EXOC4: variants seen among roughly 807,000 people sequenced by gnomAD.
The protein encoded by EXOC4 is exocyst complex component 4.
A neutral mutation model predicts 107.2 loss-of-function variants in EXOC4; 71 were observed. The observed-to-expected ratio is 0.66, with a 90% confidence interval of 0.55 to 0.81. The LOEUF is 0.81. Among genes scored for constraint, EXOC4 ranks in the 30% least tolerant of loss-of-function variants. The probability of loss-of-function intolerance (pLI) is 0.00; values close to 1 mark genes in which losing one functional copy is unlikely to be tolerated. For missense variants in EXOC4, 1,108 were observed against 1,189.6 expected, an observed-to-expected ratio of 0.93 and a Z score of 1.01; for synonymous variants, 456 against 441.2, an observed-to-expected ratio of 1.03 and a Z score of -0.42.
chr7:133,512,608 C>T (rs929378250), intron 9 of EXOC4, among the ~76,000 whole-genome samples: 3 of 151,964 alleles, frequency 2.0e-5, no homozygotes, highest in Admixed American at 1.3e-4. Flanking sequence ...AAGATCAATG[C>T]GCACAAGAAA....
chr7:133,391,285 C>T (rs769775414), intron 7 of EXOC4, among the ~76,000 whole-genome samples: 4 of 152,180 alleles, frequency 2.6e-5, no homozygotes, highest in South Asian at 2.1e-4. Flanking sequence ...CAGCAAATGA[C>T]GAAAGCTCAG....
rs1796139723 is a variant in EXOC4 at position 134,064,410 on chromosome 7, A to T, written c.2807A>T (p.Gln936Leu). ...GCTCTGACCCTGCTGCACCGCAGCC[A>T]GACTGGGGTGGGGGAACTGACCACC... ...IHALTLLHRS[Q>L]TGVGELTTQN... The change falls in exon 18 of 18, where the codon CAG becomes CTG. Residue 936 changes from glutamine (Q) to leucine (L), a missense_variant. Physicochemically the swap from Gln to Leu is moderately radical, Grantham distance 113. Transcript: ENST00000253861. The T allele has an allele frequency of 6.2e-7, 1 of 1,608,004 alleles. No homozygotes were observed. Among genetic ancestry groups the T allele is most frequent in the African/African-American group, 1.3e-5 (1 of 74,742 alleles).
intron 17 of EXOC4, among the ~76,000 whole-genome samples, chr7:134,034,678 C>A (rs1235487903): frequency 6.6e-6 from 1 of 152,188 alleles, no homozygotes; most frequent in African/African-American, 2.4e-5. Flanking sequence ...ACATGTTGAA[C>A]TGTGAGTCAG....
At chr7:133,272,618 C>T (rs1441845177) in intron 1 of EXOC4, among the ~76,000 whole-genome samples, 2 of 151,916 alleles carry the variant, frequency 1.3e-5, no homozygotes, top group African/African-American at 4.8e-5. Flanking sequence ...TGGTTTTGCA[C>T]TCTGAGTTCT....
At chr7:133,337,499 T>C in intron 5 of EXOC4, among the ~76,000 whole-genome samples, 1 of 152,134 alleles carries the variant, frequency 6.6e-6, no homozygotes, top group East Asian at 1.9e-4. Flanking sequence ...CATCTGTATT[T>C]CCTTAGGAAA....
chr7:133,483,826 G>A (rs112528514), intron 9 of EXOC4, among the ~76,000 whole-genome samples: 1,615 of 152,254 alleles, frequency 0.011, 16 homozygotes, highest in Non-Finnish European at 0.015. Context: ...CATTAAAAAC[G>A]GCTGTCCTTT....
intron 5 of EXOC4, among the ~76,000 whole-genome samples, chr7:133,331,345 C>G (rs922380718): frequency 2.0e-5 from 3 of 151,732 alleles, no homozygotes; most frequent in African/African-American, 7.3e-5. Flanking sequence ...ATAAAACAAG[C>G]TAATAGAGTA....
intron 10 of EXOC4, among the ~76,000 whole-genome samples, chr7:133,799,322 C>T (rs533237942): frequency 6.6e-6 from 1 of 152,304 alleles, no homozygotes; most frequent in African/African-American, 2.4e-5. Context: ...TGAAAGACAT[C>T]CAGGAGCTGA....
At chr7:133,336,251 C>T (rs975919814) in intron 5 of EXOC4, among the ~76,000 whole-genome samples, 1 of 152,082 alleles carries the variant, frequency 6.6e-6, no homozygotes, top group Non-Finnish European at 1.5e-5. Flanking sequence ...CCTGGAAATC[C>T]TTGCCAAATC....
chr7:133,428,429 A>G (rs938771226), intron 7 of EXOC4, among the ~76,000 whole-genome samples: 1 of 152,204 alleles, frequency 6.6e-6, no homozygotes, highest in African/African-American at 2.4e-5. Flanking sequence ...AGCATTTGCC[A>G]TCAAGCAGAG....
chr7:133,712,022 C>T (rs1794902262), intron 10 of EXOC4, among the ~76,000 whole-genome samples: 1 of 152,026 alleles, frequency 6.6e-6, no homozygotes, highest in Non-Finnish European at 1.5e-5. Context: ...ATAGAAAATG[C>T]AAGTATTAAG....
At chr7:133,985,964 C>A (rs1794104151) in intron 14 of EXOC4, among the ~76,000 whole-genome samples, 1 of 152,048 alleles carries the variant, frequency 6.6e-6, no homozygotes, top group Admixed American at 6.6e-5. Context: ...TAAAAGTGGG[C>A]AAAAGAGAGA....
intron 1 of EXOC4, among the ~76,000 whole-genome samples, chr7:133,265,355 A>C (rs1231949011): frequency 6.6e-6 from 1 of 151,942 alleles, no homozygotes; most frequent in Non-Finnish European, 1.5e-5. Context: ...CACTGGGGCC[A>C]AGATCGCGCC....
intron 9 of EXOC4, among the ~76,000 whole-genome samples, chr7:133,557,223 C>G (rs1460289666): frequency 2.6e-5 from 4 of 152,082 alleles, no homozygotes; most frequent in Non-Finnish European, 5.9e-5. Context: ...CAAATACCAC[C>G]CTGGTTTCTC....
chr7:133,569,415 T>C (rs1323623080), intron 9 of EXOC4, among the ~76,000 whole-genome samples: 1 of 152,114 alleles, frequency 6.6e-6, no homozygotes, highest in Admixed American at 6.5e-5. Context: ...TAAGATAAAA[T>C]GTGTAAGTTG....
chr7:133,900,954 C>A (rs1158860890), intron 12 of EXOC4, among the ~76,000 whole-genome samples: 1 of 152,176 alleles, frequency 6.6e-6, no homozygotes, highest in African/African-American at 2.4e-5. Context: ...ACTGCAGCCT[C>A]CGCCTCCCAG....
At chr7:134,041,062 G>C (rs1795504877) in intron 17 of EXOC4, among the ~76,000 whole-genome samples, 1 of 152,082 alleles carries the variant, frequency 6.6e-6, no homozygotes, top group Non-Finnish European at 1.5e-5. Flanking sequence ...TTTGCATATA[G>C]CCTCCTCTCC....
At chr7:133,879,421 A>G (rs116373251) in intron 11 of EXOC4, among the ~76,000 whole-genome samples, 253 of 152,202 alleles carry the variant, frequency 1.7e-3, no homozygotes, top group African/African-American at 5.6e-3. Flanking sequence ...TATTTTTTCT[A>G]CATTTATTAG....
chr7:133,514,457 C>T (rs578128876), intron 9 of EXOC4, among the ~76,000 whole-genome samples: 22 of 152,188 alleles, frequency 1.4e-4, no homozygotes, highest in South Asian at 6.2e-4. Context: ...CCACTGTGCA[C>T]GGCCTGGAAC....
Sources: allele counts gnomAD v4.1 joint callset (sites outside exome capture counted in the v4.1 genomes callset), GRCh38; gene constraint gnomAD v4.1.1; transcripts MANE v1.5; gene names NCBI Gene and HGNC (gene_info 2026-07-23, HGNC 2026-07-21).